SP140L: variants seen among roughly 807,000 people sequenced by gnomAD.
SP140L encodes nuclear body protein SP140-like protein.
SP140L carries 64 observed loss-of-function variants against 84.3 expected under a neutral mutation model. The ratio of observed to expected loss-of-function variants is 0.76; its 90% confidence interval spans 0.62 to 0.94. The LOEUF (loss-of-function observed/expected upper bound fraction) is 0.94. Among genes scored for constraint, SP140L ranks in the 40% least tolerant of loss-of-function variants. The probability of loss-of-function intolerance (pLI) is 0.00; values close to 1 mark genes in which losing one functional copy is unlikely to be tolerated. For synonymous variants in SP140L, 242 were observed against 236.9 expected (o/e 1.02, Z -0.20); for missense variants, 628 against 692.5 (o/e 0.91, Z 1.05).
intron 2 of SP140L, among the ~76,000 whole-genome samples, chr2:230,344,167 AG>A (rs2060143622): frequency 6.6e-6 from 1 of 152,154 alleles, no homozygotes; most frequent in African/African-American, 2.4e-5. Context: ...GTCTCTTTGT[AG>A]GTTTCTAATA....
At chr2:230,378,171 C>CTGTATGTCTATTCTTATGCCAAT (rs1212019500) in intron 7 of SP140L, among the ~76,000 whole-genome samples, 1 of 152,116 alleles carries the variant, frequency 6.6e-6, no homozygotes, top group Non-Finnish European at 1.5e-5. Flanking sequence ...TTCCATTTAT[C>CTGTATGTCTATTCTTATGCCAAT]TGTATGTCTA....
At chr2:230,380,573 C>G (rs1382443583) in intron 7 of SP140L, among the ~76,000 whole-genome samples, 1 of 152,138 alleles carries the variant, frequency 6.6e-6, no homozygotes, top group Non-Finnish European at 1.5e-5. Context: ...CCATCGAAAT[C>G]TTTATCAAGA....
In SP140L at chr2:230,361,650, G is replaced by A. The variant is rs375029990; in HGVS notation, c.476G>A (p.Arg159Gln). ...AAATTGTCTTTCCAAGAAAGTGATCGAAAAGAAAGGGAAGAGAGGCCTGAC... is the reference window on the plus strand; with the variant it reads ...AAATTGTCTTTCCAAGAAAGTGATCAAAAAGAAAGGGAAGAGAGGCCTGAC... Reference protein sequence around the residue: ...QDKLSFQESDRKEREERPDIK... With the variant: ...QDKLSFQESDQKEREERPDIK... Residue 159 changes from arginine (R) to glutamine (Q), a missense_variant, in exon 5 of 19, where the codon CGA becomes CAA. Arg to Gln is a conservative substitution (Grantham distance 43, BLOSUM62 1). Coordinates refer to ENST00000415673, the MANE Select transcript of SP140L (RefSeq NM_138402.6). The A allele has an allele frequency of 4.8e-5, 75 of 1,562,638 alleles. No individual in the cohort carries two copies. Among genetic ancestry groups the A allele is most frequent in the Non-Finnish European group, 6.0e-5 (69 of 1,152,400 alleles).
chr2:230,370,821 A>T, intron 5 of SP140L, 87 bp from the exon 6 acceptor site: 1 of 1,324,368 alleles, frequency 7.6e-7, no homozygotes, highest in Non-Finnish European at 1.1e-6. Flanking sequence ...GGGGCAAATT[A>T]AAAGTTCATA....
rs1291623617 is a variant in SP140L, at chr2:230,401,301, T to G, written c.1423-65T>G. On this transcript the variant is annotated intron_variant, in intron 16 of 18. Transcript: ENST00000415673. ...GAAGAAGGGTGTGAGTCGTGTGCTG[T>G]GTCTCATGCATGTGGGCTCATTCTC... is the stretch of plus-strand genomic sequence containing the variant. The G allele has an allele frequency of 1.2e-6, 2 of 1,611,124 alleles. 1 individual carries two copies. Among genetic ancestry groups the G allele is most frequent in the African/African-American group, 2.7e-5 (2 of 73,780 alleles).
chr2:230,361,845 G>T (rs1395441914), intron 5 of SP140L, 148 bp downstream of exon 5: 14 of 629,722 alleles, frequency 2.2e-5, no homozygotes, highest in Non-Finnish European at 3.6e-5. Context: ...GGTTGTATGA[G>T]CTCCTAATCA....
intron 5 of SP140L, among the ~76,000 whole-genome samples, chr2:230,362,755 G>C (rs989665343): frequency 1.3e-5 from 2 of 152,152 alleles, no homozygotes; most frequent in African/African-American, 4.8e-5. Flanking sequence ...AGGGTCAGAT[G>C]AGCAAGGAAG....
chr2:230,396,875 C>T, intron 14 of SP140L, 77 bp downstream of exon 14: 2 of 1,552,358 alleles, frequency 1.3e-6, no homozygotes, highest in Non-Finnish European at 1.8e-6. Flanking sequence ...GTCATGACTG[C>T]TGTTGCCTGA....
intron 2 of SP140L, among the ~76,000 whole-genome samples, chr2:230,349,990 C>CAG (rs1225823217): frequency 3.3e-5 from 5 of 152,076 alleles, no homozygotes; most frequent in Admixed American, 2.0e-4. Context: ...GCCTGGGGGA[C>CAG]AGAGAGAGAC....
At chr2:230,394,490 C>G (rs1476452209) in intron 13 of SP140L, among the ~76,000 whole-genome samples, 1 of 152,224 alleles carries the variant, frequency 6.6e-6, no homozygotes, top group Admixed American at 6.5e-5. Context: ...TTCTCAGCCA[C>G]TGAGACATTT....
chr2:230,331,235 ATTG>A (rs1460056421), intron 2 of SP140L, among the ~76,000 whole-genome samples: 1 of 152,200 alleles, frequency 6.6e-6, no homozygotes, highest in African/African-American at 2.4e-5. Context: ...ATTACAGTAT[ATTG>A]TTATAGTTGT....
intron 4 of SP140L, among the ~76,000 whole-genome samples, chr2:230,359,991 G>GGTGCTATACCAAACT (rs1274167276): frequency 2.6e-5 from 4 of 151,794 alleles, no homozygotes; most frequent in East Asian, 1.9e-4. Flanking sequence ...CTAAAGTTTT[G>GGTGCTATACCAAACT]ATTCTTGACT....
intron 7 of SP140L, 104 bp from the exon 8 acceptor site, chr2:230,383,406 T>C (rs2061470484): frequency 7.9e-7 from 1 of 1,272,298 alleles, no homozygotes; most frequent in African/African-American, 1.5e-5. Flanking sequence ...GCCCCATTCC[T>C]GTGGACCAAA....
intron 7 of SP140L, among the ~76,000 whole-genome samples, chr2:230,375,938 G>A (rs1017859158): frequency 5.9e-5 from 9 of 152,002 alleles, no homozygotes; most frequent in South Asian, 2.1e-4. Flanking sequence ...TTATTTCTGC[G>A]TTTGTTGCCT....
At chr2:230,371,563 T>C (rs912815287) in intron 6 of SP140L, 35 bp from the exon 7 acceptor site, 12 of 1,521,902 alleles carry the variant, frequency 7.9e-6, no homozygotes, top group Non-Finnish European at 1.1e-5. Flanking sequence ...TATTTATTAA[T>C]TTCTGTTTCC....
At chr2:230,339,992 A>G (rs1239189153) in intron 2 of SP140L, among the ~76,000 whole-genome samples, 1 of 149,756 alleles carries the variant, frequency 6.7e-6, no homozygotes, top group African/African-American at 2.5e-5. Flanking sequence ...AGAGTTCTGT[A>G]GATGTCTATT....
intron 5 of SP140L, among the ~76,000 whole-genome samples, chr2:230,370,122 T>C (rs1228651775): frequency 6.6e-6 from 1 of 152,242 alleles, no homozygotes; most frequent in Non-Finnish European, 1.5e-5. Flanking sequence ...TGATAAGAGC[T>C]TTTTAATTTT....
chr2:230,379,542 C>A (rs1476956816), intron 7 of SP140L, among the ~76,000 whole-genome samples: 2 of 152,014 alleles, frequency 1.3e-5, no homozygotes, highest in African/African-American at 4.8e-5. Context: ...TTGATATTTA[C>A]TTAAATCAAT....
At chr2:230,330,844 C>T (rs1243645975) in intron 2 of SP140L, among the ~76,000 whole-genome samples, 1 of 152,166 alleles carries the variant, frequency 6.6e-6, no homozygotes, top group East Asian at 1.9e-4. Flanking sequence ...AAGTTACTTG[C>T]TGTTCTGAGT....
Sources: gnomAD v4.1 joint callset for allele counts (sites outside exome capture counted in the v4.1 genomes callset) on GRCh38, gnomAD v4.1.1 for gene constraint, MANE v1.5 for transcripts, NCBI Gene and HGNC (gene_info 2026-07-23, HGNC 2026-07-21) for gene names.